VPS41: variants seen among roughly 807,000 people sequenced by gnomAD.
The protein encoded by VPS41 is VPS41 subunit of HOPS complex, also known as vacuolar protein sorting-associated protein 41 homolog.
VPS41 carries 85 observed loss-of-function variants against 130.9 expected under a neutral mutation model. The observed-to-expected ratio is 0.65, with a 90% CI of 0.55 to 0.78. VPS41 has a LOEUF of 0.78. Ranked by LOEUF, VPS41 falls within the 30% of genes least tolerant of loss-of-function variation. VPS41 has a pLI of 0.00. For missense variants in VPS41, 874 were observed against 1,018.7 expected (o/e 0.86, Z 1.93); for synonymous variants, 335 against 332.9 (o/e 1.01, Z -0.07).
chr7:38,776,693 T>A lies in VPS41; in HGVS notation c.868A>T (p.Ile290Phe). The A allele has an allele frequency of 6.2e-7, 1 of 1,603,274 alleles. No homozygotes were observed. Among genetic ancestry groups the A allele is most frequent in the South Asian group, 1.1e-5 (1 of 90,752 alleles). ...AAAATAATTACCGTTTTTTCTGAAA[T>A]CTCCTTTACATACGAAAGTACAACA... ...QLVVLSYVKEISEKTEREYCA... is the reference protein window; with the variant it reads ...QLVVLSYVKEFSEKTEREYCA... The change falls in exon 11 of 29, where the codon ATT becomes TTT. Residue 290 changes from isoleucine to phenylalanine, a missense_variant. By Grantham distance (21) the Ile-to-Phe change is conservative. Transcript: ENST00000310301.
chr7:38,788,374 T>C (rs1303621337), intron 10 of VPS41, among the ~76,000 whole-genome samples: 1 of 152,126 alleles, frequency 6.6e-6, no homozygotes, highest in Non-Finnish European at 1.5e-5. Context: ...TCTTCATCTA[T>C]AGAATAAAAA....
chr7:38,906,362 T>G (rs1168649520), intron 1 of VPS41, among the ~76,000 whole-genome samples: 3 of 152,122 alleles, frequency 2.0e-5, no homozygotes, highest in African/African-American at 7.2e-5. Flanking sequence ...CGTTTTTTTT[T>G]TAAACAGGGT....
intron 4 of VPS41, among the ~76,000 whole-genome samples, chr7:38,844,451 T>C (rs75574441): frequency 0.019 from 2,835 of 152,294 alleles, 96 homozygotes; most frequent in African/African-American, 0.064. Context: ...AAACTTCCAT[T>C]CTAATGACCT....
chr7:38,792,619 T>C (rs1307782290), intron 9 of VPS41, among the ~76,000 whole-genome samples: 5 of 152,172 alleles, frequency 3.3e-5, no homozygotes, highest in Non-Finnish European at 5.9e-5. Flanking sequence ...GGTAGCCTAA[T>C]TGGTCTCCCC....
intron 9 of VPS41, 88 bp from the exon 10 acceptor site, chr7:38,789,955 T>G: frequency 7.2e-7 from 1 of 1,392,308 alleles, no homozygotes; most frequent in East Asian, 2.3e-5. Context: ...TTTGTTAAAT[T>G]AACCTTGTAG....
chr7:38,853,514 C>T (rs1584428688), intron 4 of VPS41, among the ~76,000 whole-genome samples: 2 of 151,618 alleles, frequency 1.3e-5, no homozygotes, highest in Admixed American at 1.3e-4. Flanking sequence ...CCTCAAATTT[C>T]ACTTTCTACA....
chr7:38,841,792 T>G (rs1452850704), intron 4 of VPS41, among the ~76,000 whole-genome samples: 1 of 152,132 alleles, frequency 6.6e-6, no homozygotes, highest in South Asian at 2.1e-4. Flanking sequence ...TTAGTAGAGA[T>G]AGGGTTTCAC....
rs553944041 is a variant in VPS41 at position 38,737,655 on chromosome 7, G to A, written c.2259+4330C>T. ...GCCTGCTGGGAGAACCACGTGGCAT[G>A]ATTCTGCCAAGTGTAAAAGGATACA... On this transcript the variant is annotated intron_variant, in intron 25 of 28. Transcript: ENST00000310301. Among the ~76,000 whole-genome samples the A allele has an allele frequency of 1.9e-3, 288 of 152,306 alleles. 1 individual carries two copies. Among genetic ancestry groups the A allele is most frequent in the African/African-American group, 6.9e-3 (285 of 41,562 alleles).
intron 19 of VPS41, among the ~76,000 whole-genome samples, chr7:38,756,151 T>C (rs1435825786): frequency 6.6e-6 from 1 of 151,996 alleles, no homozygotes; most frequent in African/African-American, 2.4e-5. Context: ...ATTTTTTGAA[T>C]AAGAACACTG....
At chr7:38,869,108 A>G in intron 3 of VPS41, 38 bp downstream of exon 3, 2 of 1,470,000 alleles carry the variant, frequency 1.4e-6, no homozygotes, top group Non-Finnish European at 1.8e-6. Context: ...TACAATGGAA[A>G]CAATTTACAG....
chr7:38,843,433 A>G (rs1785654699), intron 4 of VPS41, among the ~76,000 whole-genome samples: 1 of 151,722 alleles, frequency 6.6e-6, no homozygotes, highest in Admixed American at 6.6e-5. Flanking sequence ...CTGTAATCCC[A>G]GCACTTTGGG....
intron 7 of VPS41, among the ~76,000 whole-genome samples, chr7:38,800,895 C>A (rs910581961): frequency 6.6e-6 from 1 of 152,134 alleles, no homozygotes; most frequent in African/African-American, 2.4e-5. Context: ...ATGTTTGAGG[C>A]ATATTGAACA....
At chr7:38,856,303 C>T (rs1048225979) in intron 4 of VPS41, among the ~76,000 whole-genome samples, 6 of 152,008 alleles carry the variant, frequency 3.9e-5, no homozygotes, top group Non-Finnish European at 7.4e-5. Context: ...CCATGCCTGG[C>T]CCTCATCTAA....
chr7:38,744,881 C>T (rs2240353), intron 23 of VPS41, among the ~76,000 whole-genome samples: 35,849 of 152,058 alleles, frequency 0.24, 4,907 homozygotes, highest in East Asian at 0.43. Flanking sequence ...AAGGGAAAGG[C>T]GTAAAGCGGA....
intron 17 of VPS41, among the ~76,000 whole-genome samples, chr7:38,759,124 T>C (rs1471620977): frequency 6.6e-6 from 1 of 152,240 alleles, no homozygotes; most frequent in African/African-American, 2.4e-5. Context: ...AGTTTATAGT[T>C]GACCAGTCGG....
chr7:38,745,713 G>A, intron 22 of VPS41, 100 bp from the exon 23 acceptor site: 1 of 899,412 alleles, frequency 1.1e-6, no homozygotes, highest in Non-Finnish European at 1.8e-6. Flanking sequence ...TTTTTCCACA[G>A]CTTCTTTAAA....
At chr7:38,761,215 T>TTC (rs1200786281) in intron 17 of VPS41, among the ~76,000 whole-genome samples, 1 of 149,384 alleles carries the variant, frequency 6.7e-6, no homozygotes, top group Non-Finnish European at 1.5e-5. Context: ...TTCCTTTTCT[T>TTC]TCTCTCTCTC....
intron 2 of VPS41, among the ~76,000 whole-genome samples, chr7:38,890,996 G>A (rs1172612447): frequency 1.5e-5 from 2 of 136,094 alleles, no homozygotes; most frequent in Non-Finnish European, 3.1e-5. Flanking sequence ...ATTTCAAAAT[G>A]ACTTTTTTTT....
At chr7:38,903,000 A>T (rs1172799283) in intron 1 of VPS41, among the ~76,000 whole-genome samples, 1 of 151,592 alleles carries the variant, frequency 6.6e-6, no homozygotes, top group Non-Finnish European at 1.5e-5. Flanking sequence ...GCTGGTGATG[A>T]TGATGAGACA....
Sources: allele counts gnomAD v4.1 joint callset (sites outside exome capture counted in the v4.1 genomes callset), GRCh38; gene constraint gnomAD v4.1.1; transcripts MANE v1.5; gene names NCBI Gene and HGNC (gene_info 2026-07-23, HGNC 2026-07-21).